The following GOLGB1 variants were observed in gnomAD, a reference collection of about 807,000 sequenced individuals.
The protein encoded by GOLGB1 is golgin B1.
A neutral mutation model predicts 336.9 loss-of-function variants in GOLGB1; 174 were observed. The ratio of observed to expected loss-of-function variants is 0.52; its 90% CI spans 0.46 to 0.59. The LOEUF (loss-of-function observed/expected upper bound fraction) is 0.59. Among genes scored for constraint, GOLGB1 ranks in the 20% least tolerant of loss-of-function variants. The pLI is 0.00. For missense variants in GOLGB1, 3,331 were observed against 3,645.3 expected (o/e 0.91, Z 2.22); for synonymous variants, 1,208 against 1,289.2 (o/e 0.94, Z 1.35).
intron 17 of GOLGB1, among the ~76,000 whole-genome samples, chr3:121,672,497 ATTGT>A (rs1242914230): frequency 2.0e-5 from 3 of 152,004 alleles, no homozygotes; most frequent in African/African-American, 7.2e-5. Flanking sequence ...CTGCTATTTA[ATTGT>A]TTGAGTCCCT....
intron 17 of GOLGB1, among the ~76,000 whole-genome samples, chr3:121,671,425 G>A (rs140347531): frequency 2.5e-4 from 38 of 152,214 alleles, no homozygotes; most frequent in African/African-American, 8.7e-4. Context: ...ACCAAAATTC[G>A]AGGACGCTCA....
At chr3:121,666,389 A>G (rs1174267924) in intron 20 of GOLGB1, among the ~76,000 whole-genome samples, 2 of 152,150 alleles carry the variant, frequency 1.3e-5, no homozygotes, top group African/African-American at 4.8e-5. Context: ...CAAGAGGGAG[A>G]TCAACCTCCC....
At chr3:121,675,971 T>G (rs930307808) in intron 17 of GOLGB1, among the ~76,000 whole-genome samples, 3 of 152,144 alleles carry the variant, frequency 2.0e-5, no homozygotes, top group African/African-American at 7.2e-5. Flanking sequence ...CTTCCGGAAA[T>G]AGCTGATTTG....
intron 10 of GOLGB1, among the ~76,000 whole-genome samples, chr3:121,712,603 C>T (rs1944437993): frequency 6.6e-6 from 1 of 152,108 alleles, no homozygotes; most frequent in Non-Finnish European, 1.5e-5. Flanking sequence ...AGAATTCCTA[C>T]TTGATAATAA....
Position 121,697,418 on chromosome 3 carries a change from A to C in GOLGB1, c.3105T>G (p.Ser1035Arg). 7 of 1,612,338 alleles carry C rather than the reference A, an allele frequency of 4.3e-6. No homozygotes were observed. Among genetic ancestry groups the C allele is most frequent in the Non-Finnish European group, 5.9e-6 (7 of 1,179,634 alleles). ...KDESKKEIPL[S>R]ETERGEVEED... ...CTTCCACTTCTCCCCTCTCAGTCTC[A>C]CTGAGTGGGATTTCTTTCTTAGATT... The change falls in exon 13 of 22, where the codon AGT (serine) becomes AGG (arginine). Residue 1035 changes from serine (S) to arginine (R), a missense_variant. Ser to Arg is a moderately radical substitution (Grantham distance 110). Transcript: ENST00000614479.
At chr3:121,725,830 C>T (rs368372452) in intron 5 of GOLGB1, among the ~76,000 whole-genome samples, 1 of 151,862 alleles carries the variant, frequency 6.6e-6, no homozygotes, top group Non-Finnish European at 1.5e-5. Flanking sequence ...AGAAGAGAGA[C>T]CTGAGCTGGC....
chr3:121,718,339 T>C, intron 8 of GOLGB1, 49 bp downstream of exon 8: 1 of 1,188,484 alleles, frequency 8.4e-7, no homozygotes, highest in South Asian at 1.3e-5. Context: ...CAAACGAAAG[T>C]GGAAATGAAT....
chr3:121,715,443 C>T (rs774469528), intron 9 of GOLGB1, among the ~76,000 whole-genome samples: 48 of 150,106 alleles, frequency 3.2e-4, no homozygotes, highest in Admixed American at 5.3e-4. Flanking sequence ...TCTCGAACTC[C>T]TGACCTCAGG....
At chr3:121,680,132 C>T (rs1222777702) in intron 15 of GOLGB1, among the ~76,000 whole-genome samples, 1 of 152,236 alleles carries the variant, frequency 6.6e-6, no homozygotes, top group Non-Finnish European at 1.5e-5. Flanking sequence ...AGTATCAGGG[C>T]ATCCCTTCCT....
intron 8 of GOLGB1, 45 bp from the exon 9 acceptor site, chr3:121,717,184 C>G (rs1466546545): frequency 1.4e-6 from 2 of 1,460,176 alleles, no homozygotes; most frequent in East Asian, 4.6e-5. Flanking sequence ...TACATTATTT[C>G]ATTTCAACAA....
Position 121,691,206 on chromosome 3 carries a change from T to C in GOLGB1, c.8158A>G (p.Met2720Val). 3 of 1,613,924 alleles carry C rather than the reference T, an allele frequency of 1.9e-6. No homozygotes were observed. The highest frequency in any genetic ancestry group is 2.5e-6 in the Non-Finnish European group (3 of 1,180,002). The stretch of plus-strand genomic sequence containing the variant: ...GTGACCATGAGTAATTTCTGTTCCA[T>C]CTCCACCAAATCTCTTGCTAGCTCT... Reference protein sequence around the residue: ...VAELARDLVEMEQKLLMVTKE... With the variant: ...VAELARDLVEVEQKLLMVTKE... The change falls in exon 14 of 22, where the codon ATG (methionine) becomes GTG (valine). Residue 2720 changes from methionine (M) to valine (V), a missense_variant. Met to Val is a conservative substitution (Grantham distance 21, BLOSUM62 1). Transcript: ENST00000614479.
intron 17 of GOLGB1, among the ~76,000 whole-genome samples, chr3:121,670,359 A>T (rs1939319407): frequency 6.6e-6 from 1 of 152,228 alleles, no homozygotes; most frequent in Non-Finnish European, 1.5e-5. Flanking sequence ...TGTGAAAAAA[A>T]GTTGAAACAA....
Position 121,681,818 on chromosome 3 carries a change from T to G in GOLGB1, c.8742A>C (p.Gln2914His). The change falls in exon 15 of 22, where the codon CAA (glutamine) becomes CAC (histidine). Residue 2914 changes from glutamine (Q) to histidine (H), a missense_variant. Coordinates refer to ENST00000614479, the MANE Select transcript of GOLGB1 (RefSeq NM_001366282.2). ...TCAGTGGATGTAACTCAGTGATCTC[T>G]TGATTAATCTGTAAGTATTGCTGCT... ...NLQQQYLQINQEITELHPLKA... is the reference protein window; with the variant it reads ...NLQQQYLQINHEITELHPLKA... The G allele has an allele frequency of 6.2e-7, 1 of 1,606,962 alleles. No individual in the cohort carries two copies. Among genetic ancestry groups the G allele is most frequent in the Non-Finnish European group, 8.5e-7 (1 of 1,173,860 alleles).
At chr3:121,673,103 T>C (rs1448836677) in intron 17 of GOLGB1, among the ~76,000 whole-genome samples, 1 of 151,162 alleles carries the variant, frequency 6.6e-6, no homozygotes, top group Non-Finnish European at 1.5e-5. Context: ...GGAGTCTCGC[T>C]CTGTCACCCA....
chr3:121,699,940 A>ACAGGATTG (rs1943255661), intron 11 of GOLGB1, 55 bp from the exon 12 acceptor site: 1 of 1,003,034 alleles, frequency 1.0e-6, no homozygotes, highest in Non-Finnish European at 1.5e-6. Flanking sequence ...GTGTGAAAAA[A>ACAGGATTG]CAGGATTGCA....
At chr3:121,673,270 T>C (rs987851666) in intron 17 of GOLGB1, among the ~76,000 whole-genome samples, 7 of 152,268 alleles carry the variant, frequency 4.6e-5, no homozygotes, top group Admixed American at 3.9e-4. Context: ...GGTTTCACCA[T>C]GTTGGCCAGG....
At chr3:121,668,400 C>A (rs1576250472) in intron 18 of GOLGB1, 1 of 283,028 alleles carries the variant, frequency 3.5e-6, no homozygotes, top group African/African-American at 2.3e-5. Flanking sequence ...CTGGGCCGGG[C>A]GCCGTGGCTC....
intron 14 of GOLGB1, among the ~76,000 whole-genome samples, chr3:121,685,540 A>G (rs965110301): frequency 1.5e-5 from 1 of 66,702 alleles, no homozygotes; most frequent in Non-Finnish European, 3.5e-5. Flanking sequence ...TTTCTAAATA[A>G]ATAAATAAAT....
intron 10 of GOLGB1, among the ~76,000 whole-genome samples, chr3:121,711,795 T>G (rs1944379172): frequency 6.6e-6 from 1 of 152,184 alleles, no homozygotes; most frequent in African/African-American, 2.4e-5. Flanking sequence ...CAATGAAAAC[T>G]ACAAAACACT....
Sources: allele counts gnomAD v4.1 joint callset (sites outside exome capture counted in the v4.1 genomes callset), GRCh38; gene constraint gnomAD v4.1.1; transcripts MANE v1.5; gene names NCBI Gene and HGNC (gene_info 2026-07-23, HGNC 2026-07-21).